Variants in STAC2 observed in about 807,000 individuals in gnomAD.
STAC2 encodes the protein SH3 and cysteine rich domain 2.
A neutral mutation model predicts 49.0 loss-of-function variants in STAC2; 36 were observed. The observed-to-expected ratio is 0.74, with a 90% CI of 0.56 to 0.97. The LOEUF (loss-of-function observed/expected upper bound fraction) is 0.97. STAC2 is among the 50% of genes least tolerant of loss of function. STAC2 has a pLI of 0.00. For synonymous variants in STAC2, 239 were observed against 214.7 expected, an observed-to-expected ratio of 1.11 and a Z score of -0.99; for missense variants, 527 against 543.8, an observed-to-expected ratio of 0.97 and a Z score of 0.31.
At chr17:39,212,698 C>A (rs969338672) in intron 10 of STAC2, among the ~76,000 whole-genome samples, 2 of 152,204 alleles carry the variant, frequency 1.3e-5, no homozygotes, top group African/African-American at 4.8e-5. Context: ...CCTCAAATTA[C>A]ACAAAAAGCC....
chr17:39,213,485 A>G (rs1197853901), intron 9 of STAC2, 22 bp downstream of exon 9: 4 of 1,611,776 alleles, frequency 2.5e-6, no homozygotes, highest in Non-Finnish European at 2.5e-6. Flanking sequence ...GTGTCCCTCC[A>G]CTCCCCACCC....
chr17:39,217,567 T>C (rs1025639020), intron 2 of STAC2, among the ~76,000 whole-genome samples: 1 of 151,866 alleles, frequency 6.6e-6, no homozygotes, highest in Non-Finnish European at 1.5e-5. Flanking sequence ...CAAAAAATAT[T>C]TTAAAATTAG....
Position 39,218,354 on chromosome 17 carries a change from C to T in STAC2, c.91-181G>A, listed in dbSNP as rs138019074. Among the ~76,000 whole-genome samples, 400 of 152,202 alleles carry T rather than the reference C, an allele frequency of 2.6e-3. 1 individual carries two copies. The highest frequency in any genetic ancestry group is 8.9e-3 in the African/African-American group (370 of 41,528). ...GGCTCCCCAGGTCCCGACGACACTT[C>T]GCAATCTCAGGTGCCACAAAAGCCA... is the stretch of plus-strand genomic sequence containing the variant. On this transcript the variant is annotated intron_variant, in intron 1 of 10. Transcript: ENST00000333461.
At chr17:39,213,638 G>A in intron 8 of STAC2, 80 bp from the exon 9 acceptor site, 1 of 1,392,454 alleles carries the variant, frequency 7.2e-7, no homozygotes, top group Non-Finnish European at 1.0e-6. Context: ...GGGCACCTGG[G>A]GGACACTGCA....
rs1441214058 is a variant in STAC2 at position 39,213,076 on chromosome 17, C to G, written c.1050G>C (p.Arg350Ser). 1.8e-5 allele frequency: 29 copies of G among 1,613,414 alleles called. No homozygotes were observed. The highest frequency in any genetic ancestry group is 2.5e-5 in the Non-Finnish European group (29 of 1,180,036). ...AGCAGCGCCAAACATTCTCGCCTGGCCTCACCCGTTGCACAAAATTAGCTG... is the reference window on the plus strand; with the variant it reads ...AGCAGCGCCAAACATTCTCGCCTGGGCTCACCCGTTGCACAAAATTAGCTG... ...FFPANFVQRV[R>S]PGENVWRCCQ... Residue 350 changes from arginine (R) to serine (S), a missense_variant, in exon 10 of 11, where the codon AGG (arginine) becomes AGC (serine). Arg to Ser is a moderately radical substitution (Grantham distance 110). Transcript: ENST00000333461.
intron 1 of STAC2, among the ~76,000 whole-genome samples, chr17:39,224,266 A>G (rs1268800056): frequency 6.6e-6 from 1 of 152,162 alleles, no homozygotes; most frequent in Admixed American, 6.5e-5. Context: ...TCTGGTCCTC[A>G]CTGTCCCCTT....
intron 1 of STAC2, among the ~76,000 whole-genome samples, chr17:39,221,973 T>G (rs1327642153): frequency 6.6e-6 from 1 of 152,208 alleles, no homozygotes; most frequent in Non-Finnish European, 1.5e-5. Flanking sequence ...GCAAGCAGTC[T>G]CTTGGGACAG....
At chr17:39,212,443 C>T (rs911947721) in intron 10 of STAC2, 47 bp from the exon 11 acceptor site, 2 of 1,512,136 alleles carry the variant, frequency 1.3e-6, no homozygotes, top group Non-Finnish European at 1.8e-6. Context: ...GCCTGCAGCC[C>T]TGGCCCTGAG....
rs1271445902 is a variant in STAC2, at chr17:39,225,527, G to A, written c.-25C>T. The stretch of plus-strand genomic sequence containing the variant: ...TGGTTCGGGGAGAGGGGAGGAGAGG[G>A]TGCCGAGATCCGACGGCAGGCCCAC... On this transcript the variant is annotated 5_prime_UTR_variant, in exon 1 of 11. Transcript: ENST00000333461. The surrounding 1 kb of genome is among the most constrained non-coding windows in gnomAD (Gnocchi z 8.2). 6.2e-7 allele frequency: 1 copy of A among 1,606,352 alleles called. No individual in the cohort carries two copies. The highest frequency in any genetic ancestry group is 1.3e-5 in the African/African-American group (1 of 74,264).
At chr17:39,222,313 T>C (rs555462914) in intron 1 of STAC2, among the ~76,000 whole-genome samples, 2 of 152,278 alleles carry the variant, frequency 1.3e-5, no homozygotes, top group East Asian at 1.9e-4. Context: ...GAACAGAATG[T>C]TCCCGGGTAC....
intron 2 of STAC2, 133 bp downstream of exon 2, chr17:39,217,734 G>A: frequency 7.1e-6 from 6 of 848,164 alleles, no homozygotes; most frequent in East Asian, 2.8e-5. Flanking sequence ...AAAAAAAAAA[G>A]AGGCACAGAG....
chr17:39,214,729 C>T (rs2046385333), intron 7 of STAC2, 62 bp downstream of exon 7: 1 of 1,576,106 alleles, frequency 6.3e-7, no homozygotes, highest in Non-Finnish European at 8.7e-7. Context: ...GAATCAATGG[C>T]AAGGAGAAAT....
intron 7 of STAC2, 53 bp from the exon 8 acceptor site, chr17:39,214,383 C>G (rs1052322466): frequency 3.3e-5 from 53 of 1,609,472 alleles, no homozygotes; most frequent in Middle Eastern, 3.3e-4. Flanking sequence ...TCACTCCCCC[C>G]ACTCTCCACT....
intron 1 of STAC2, 40 bp from the exon 2 acceptor site, chr17:39,218,213 G>A: frequency 1.9e-6 from 3 of 1,610,716 alleles, no homozygotes; most frequent in South Asian, 1.1e-5. Context: ...GAGCCTAGAG[G>A]GGGCTGGCCA....
At position 39,225,634 on chromosome 17, in the gene STAC2, G is replaced by C; in HGVS notation, c.-132C>G. ...GCTGCCCCCAGTTAGCCCCCGGCAC[G>C]GCAGCCCCCAACCCGCGGGAGCGGG... On this transcript the variant is annotated 5_prime_UTR_variant, in exon 1 of 11. Transcript: ENST00000333461. The surrounding 1 kb of genome is among the most constrained non-coding windows in gnomAD (Gnocchi z 8.2). 1 of 872,092 alleles carries C rather than the reference G, an allele frequency of 1.1e-6. No individual in the cohort carries two copies. The highest frequency in any genetic ancestry group is 2.1e-5 in the Admixed American group (1 of 48,136). 54.0% of individuals were successfully genotyped at this position (872,092 alleles called of 1,614,324 possible).
intron 1 of STAC2, among the ~76,000 whole-genome samples, chr17:39,221,644 C>T (rs1443155961): frequency 6.6e-6 from 1 of 152,224 alleles, no homozygotes; most frequent in Non-Finnish European, 1.5e-5. Flanking sequence ...AACAGCAGAG[C>T]CAGGACTTGA....
At chr17:39,223,909 T>C (rs1297392693) in intron 1 of STAC2, among the ~76,000 whole-genome samples, 4 of 152,158 alleles carry the variant, frequency 2.6e-5, no homozygotes, top group Non-Finnish European at 5.9e-5. Context: ...TCTTAGTCCT[T>C]TCCCAGGAGA....
Position 39,225,413 on chromosome 17 carries a change from C to T in STAC2, c.90G>A (p.Lys30=). 1 of 1,601,876 alleles carries T rather than the reference C, an allele frequency of 6.2e-7. No individual in the cohort carries two copies. Among genetic ancestry groups the T allele is most frequent in the Non-Finnish European group, 8.5e-7 (1 of 1,176,548 alleles). The change falls in exon 1 of 11, where the codon AAG becomes AAA. Residue 30 remains lysine (K), a splice_region_variant and synonymous_variant. Transcript: ENST00000333461. This position sits in a 1 kb window ranked among gnomAD's most constrained non-coding sequence, Gnocchi z 8.2. Reference sequence around the variant, plus strand: ...ACAGGCCTTGCGCCCCCCAAGTTACCTTGGTTTCCTGGAGGGCGGAGACGG... The same window carrying T: ...ACAGGCCTTGCGCCCCCCAAGTTACTTTGGTTTCCTGGAGGGCGGAGACGG... ...PGTVSALQET[K]LQRFKRSLSL... is the part of the protein sequence containing the mutation.
Position 39,218,004 on chromosome 17 carries a change from C to T in STAC2, c.260G>A (p.Gly87Asp), listed in dbSNP as rs1177681318. The change falls in exon 2 of 11, where the codon GGC (glycine) becomes GAC (aspartate). Residue 87 changes from glycine (G) to aspartate (D), a missense_variant. Coordinates refer to ENST00000333461, the MANE Select transcript of STAC2 (RefSeq NM_198993.5). ...PSPPPTASDRGLATPSPSPCP... is the reference protein window; with the variant it reads ...PSPPPTASDRDLATPSPSPCP... ...TGGGGAGGGGGATGGGGTAGCCAGG[C>T]CCCTGTCCGAGGCTGTGGGTGGTGG... is the stretch of plus-strand genomic sequence containing the variant. 3 of 1,585,034 alleles carry T rather than the reference C, an allele frequency of 1.9e-6. No individual in the cohort carries two copies. Among genetic ancestry groups the T allele is most frequent in the Middle Eastern group, 2.1e-4 (1 of 4,678 alleles).
Sources: gnomAD v4.1 joint callset for allele counts (sites outside exome capture counted in the v4.1 genomes callset) on GRCh38, gnomAD v4.1.1 for gene constraint, Gnocchi (gnomAD v3.1) non-coding constraint, MANE v1.5 for transcripts, NCBI Gene and HGNC (gene_info 2026-07-23, HGNC 2026-07-21) for gene names.